RBFOX1: variants seen among roughly 807,000 people sequenced by gnomAD.
RBFOX1 encodes the protein RNA binding protein fox-1 homolog 1.
Under a neutral mutation model 57.7 loss-of-function variants are expected in RBFOX1, and 8 were observed. The observed-to-expected ratio is 0.14, with a 90% CI of 0.08 to 0.25. The LOEUF is 0.25. Among genes scored for constraint, RBFOX1 ranks in the 10% least tolerant of loss-of-function variants. The probability of loss-of-function intolerance (pLI) is 1.00; values close to 1 mark genes in which losing one functional copy is unlikely to be tolerated. For synonymous variants in RBFOX1, 326 were observed against 222.4 expected, an observed-to-expected ratio of 1.47 and a Z score of -4.15; for missense variants, 611 against 548.5, an observed-to-expected ratio of 1.11 and a Z score of -1.14.
chr16:7,283,791 G>A (rs1431538883), intron 4 of RBFOX1, among the ~76,000 whole-genome samples: 1 of 152,136 alleles, frequency 6.6e-6, no homozygotes, highest in Non-Finnish European at 1.5e-5. Context: ...CAGGTTTACT[G>A]AGGCATAATT....
chr16:7,482,437 T>C (rs949215165), intron 4 of RBFOX1, among the ~76,000 whole-genome samples: 9 of 151,388 alleles, frequency 5.9e-5, no homozygotes, highest in African/African-American at 9.8e-5. Context: ...TTTCTCCTTA[T>C]ACCTCTTCAG....
At chr16:6,700,906 C>T (rs184420585) in intron 3 of RBFOX1, among the ~76,000 whole-genome samples, 1 of 152,110 alleles carries the variant, frequency 6.6e-6, no homozygotes, top group Non-Finnish European at 1.5e-5. Context: ...ATTTGCTAGT[C>T]ACGTCCTCGG....
rs116951638 is a variant in RBFOX1 at position 7,256,383 on chromosome 16, A to T, written c.27+204285A>T. Among the ~76,000 whole-genome samples the T allele has an allele frequency of 4.7e-3, 718 of 152,198 alleles. 1 individual carries two copies. The highest frequency in any genetic ancestry group is 8.3e-3 in the Non-Finnish European group (567 of 68,024). On this transcript the variant is annotated intron_variant, in intron 4 of 15. Transcript: ENST00000550418. ...AGGTTTGGCCTCAGATTCATTTTCA[A>T]TCTCTTTGAAAGACAAAGGCGGCTG...
At chr16:7,116,305 G>C (rs1018921078) in intron 4 of RBFOX1, among the ~76,000 whole-genome samples, 2 of 152,098 alleles carry the variant, frequency 1.3e-5, no homozygotes, top group African/African-American at 4.8e-5. Context: ...TGAAAGCCTA[G>C]GAGTAAAGGA....
At chr16:6,929,996 GA>G (rs2076244124) in intron 3 of RBFOX1, among the ~76,000 whole-genome samples, 1 of 152,064 alleles carries the variant, frequency 6.6e-6, no homozygotes. Flanking sequence ...GAAGTAATAG[GA>G]AAAACAGAGC....
intron 5 of RBFOX1, among the ~76,000 whole-genome samples, chr16:7,543,992 T>A (rs369388618): frequency 6.6e-6 from 1 of 152,236 alleles, no homozygotes; most frequent in African/African-American, 2.4e-5. Flanking sequence ...GTGCTGGGAT[T>A]ATAGGCGTAA....
chr16:5,454,946 CCTTCCTTCCTTCCTTT>C (rs1314999913), intron 1 of RBFOX1, among the ~76,000 whole-genome samples: 816 of 48,050 alleles, frequency 0.017, 8 homozygotes, highest in Middle Eastern at 0.041. Flanking sequence ...TTCCTTCCTT[CCTTCCTTCCTTCCTTT>C]CTTTCTTTCT....
intron 2 of RBFOX1, among the ~76,000 whole-genome samples, chr16:6,638,317 G>T (rs2098461074): frequency 6.6e-6 from 1 of 152,112 alleles, no homozygotes; most frequent in African/African-American, 2.4e-5. Context: ...GTGTTTTAAA[G>T]AATAAGTTAC....
chr16:6,620,236 C>T (rs1165381914), intron 2 of RBFOX1, among the ~76,000 whole-genome samples: 1 of 152,132 alleles, frequency 6.6e-6, no homozygotes, highest in Admixed American at 6.5e-5. Context: ...TAACCTGTTC[C>T]TAGATGACTT....
At chr16:6,794,462 A>T (rs2083565581) in intron 3 of RBFOX1, among the ~76,000 whole-genome samples, 1 of 151,986 alleles carries the variant, frequency 6.6e-6, no homozygotes. Context: ...GAGGGATGGG[A>T]GAGAAGTTTC....
intron 4 of RBFOX1, among the ~76,000 whole-genome samples, chr16:7,097,738 A>G (rs2061948151): frequency 6.6e-6 from 1 of 152,240 alleles, no homozygotes; most frequent in African/African-American, 2.4e-5. Context: ...ATGCTGAGTC[A>G]GCAGAGAGCT....
chr16:6,246,989 G>C (rs946116439), intron 1 of RBFOX1, among the ~76,000 whole-genome samples: 1 of 152,156 alleles, frequency 6.6e-6, no homozygotes, highest in African/African-American at 2.4e-5. Flanking sequence ...AGAATCGCTT[G>C]AACCCAGGAA....
rs527937650 is a variant in RBFOX1, at chr16:6,905,192, C to A, written c.-15-146865C>A. Among the ~76,000 whole-genome samples, 46 of 151,736 alleles carry A rather than the reference C, an allele frequency of 3.0e-4. No homozygotes were observed. In the South Asian group the frequency reaches 9.4e-3, roughly 31 times the overall value. ...TTTATTCTTTATCCATTTTTTTTCT[C>A]AATAACACTTGTTCCTTAGCCCTTT... On this transcript the variant is annotated intron_variant, in intron 3 of 15. Transcript: ENST00000550418.
intron 3 of RBFOX1, among the ~76,000 whole-genome samples, chr16:5,830,022 C>G (rs901690213): frequency 3.3e-5 from 5 of 152,150 alleles, no homozygotes; most frequent in Admixed American, 2.0e-4. Context: ...TCAATACATT[C>G]AAATAGCCAT....
intron 3 of RBFOX1, among the ~76,000 whole-genome samples, chr16:6,867,463 A>C (rs1447550465): frequency 6.6e-6 from 1 of 152,056 alleles, no homozygotes; most frequent in Non-Finnish European, 1.5e-5. Context: ...TCACTCATGT[A>C]ATTCCAGCAC....
chr16:7,212,811 C>T (rs1234145485), intron 4 of RBFOX1, among the ~76,000 whole-genome samples: 2 of 152,136 alleles, frequency 1.3e-5, no homozygotes, highest in Admixed American at 1.3e-4. Flanking sequence ...ATGTTCTGCA[C>T]ATGTATCCCA....
At chr16:6,424,606 T>TGTGTGTGTGTATGC (rs2093871260) in intron 2 of RBFOX1, among the ~76,000 whole-genome samples, 1 of 100,130 alleles carries the variant, frequency 1.0e-5, no homozygotes, top group South Asian at 3.8e-4. Flanking sequence ...TTAAGAGCAC[T>TGTGTGTGTGTATGC]GTGTGTGTGT....
chr16:7,462,062 G>A (rs889132453), intron 4 of RBFOX1, among the ~76,000 whole-genome samples: 3 of 152,226 alleles, frequency 2.0e-5, no homozygotes, highest in Non-Finnish European at 4.4e-5. Context: ...CAATAGAACT[G>A]TGAAAATCTT....
chr16:7,537,394 T>C (rs17143991), intron 5 of RBFOX1, among the ~76,000 whole-genome samples: 13,183 of 152,268 alleles, frequency 0.087, 683 homozygotes, highest in East Asian at 0.22. Flanking sequence ...GATGTGATGA[T>C]GCTCTCTTTA....
Sources: gnomAD v4.1 joint callset for allele counts (sites outside exome capture counted in the v4.1 genomes callset) on GRCh38, gnomAD v4.1.1 for gene constraint, MANE v1.5 for transcripts, NCBI Gene and HGNC (gene_info 2026-07-23, HGNC 2026-07-21) for gene names.